The following CLSTN2 variants were observed in gnomAD, a reference collection of about 807,000 sequenced individuals.
CLSTN2 encodes the protein calsyntenin 2.
CLSTN2 carries 48 observed loss-of-function variants against 101.2 expected under a neutral mutation model. The ratio of observed to expected loss-of-function variants is 0.47; its 90% CI spans 0.38 to 0.60. The LOEUF is 0.60. CLSTN2 is among the 20% of genes least tolerant of loss of function. CLSTN2 has a pLI of 0.00. For missense variants in CLSTN2, 1,160 were observed against 1,238.2 expected, an observed-to-expected ratio of 0.94 and a Z score of 0.95; for synonymous variants, 481 against 463.6, an observed-to-expected ratio of 1.04 and a Z score of -0.48.
chr3:140,355,757 G>A (rs1300273455), intron 2 of CLSTN2, among the ~76,000 whole-genome samples: 1 of 152,202 alleles, frequency 6.6e-6, no homozygotes. Context: ...ATCAGTGGCT[G>A]CCTCACAGGA....
intron 6 of CLSTN2, among the ~76,000 whole-genome samples, chr3:140,459,146 A>G (rs1214706829): frequency 6.6e-6 from 1 of 152,214 alleles, no homozygotes; most frequent in Non-Finnish European, 1.5e-5. Context: ...CTGGCAGGTT[A>G]ACAGATGGAT....
chr3:140,304,696 TA>T (rs1394704369), intron 2 of CLSTN2, among the ~76,000 whole-genome samples: 1 of 152,142 alleles, frequency 6.6e-6, no homozygotes, highest in Non-Finnish European at 1.5e-5. Context: ...TCCAGGGCTG[TA>T]GTGGAACAGA....
chr3:139,944,663 T>A (rs905047088), intron 1 of CLSTN2, among the ~76,000 whole-genome samples: 3 of 152,172 alleles, frequency 2.0e-5, no homozygotes, highest in Admixed American at 2.0e-4. Context: ...CCAGAGCAAA[T>A]GCTGAGTGTT....
At chr3:140,459,874 C>A in intron 7 of CLSTN2, 105 bp downstream of exon 7, 1 of 1,344,602 alleles carries the variant, frequency 7.4e-7, no homozygotes, top group Non-Finnish European at 1.0e-6. Context: ...GGAAGAAAAG[C>A]AGGAGCCTGA....
chr3:140,440,358 A>C (rs188291345), intron 5 of CLSTN2, among the ~76,000 whole-genome samples: 283 of 152,370 alleles, frequency 1.9e-3, no homozygotes, highest in Non-Finnish European at 3.4e-3. Context: ...CTCTTGTGAA[A>C]ATAAAATATA....
intron 7 of CLSTN2, among the ~76,000 whole-genome samples, chr3:140,465,831 A>G (rs1933684938): frequency 1.3e-5 from 2 of 152,176 alleles, no homozygotes. Context: ...GCACCTGCTC[A>G]TCCAACCAAC....
chr3:140,102,756 G>T (rs1477779890), intron 1 of CLSTN2, among the ~76,000 whole-genome samples: 2 of 152,192 alleles, frequency 1.3e-5, no homozygotes, highest in African/African-American at 2.4e-5. Flanking sequence ...AGTTGTGGTA[G>T]TCAGAATGAC....
chr3:140,417,847 G>C (rs2088447887), intron 4 of CLSTN2, among the ~76,000 whole-genome samples: 1 of 152,182 alleles, frequency 6.6e-6, no homozygotes, highest in South Asian at 2.1e-4. Context: ...TATACCCTCA[G>C]TTTTTAGCTA....
At chr3:140,447,502 T>A (rs1933112642) in intron 5 of CLSTN2, among the ~76,000 whole-genome samples, 1 of 152,248 alleles carries the variant, frequency 6.6e-6, no homozygotes, top group African/African-American at 2.4e-5. Flanking sequence ...TATGTGTTGA[T>A]TGCTGTGTTC....
chr3:140,234,117 C>T (rs1238949510), intron 2 of CLSTN2, among the ~76,000 whole-genome samples: 1 of 152,190 alleles, frequency 6.6e-6, no homozygotes, highest in Non-Finnish European at 1.5e-5. Context: ...TGCTGAGATT[C>T]AAATATGCAA....
chr3:140,564,448 C>G (rs1381580213), intron 16 of CLSTN2, among the ~76,000 whole-genome samples: 5 of 152,244 alleles, frequency 3.3e-5, no homozygotes, highest in African/African-American at 1.2e-4. Flanking sequence ...CTTGCTTCCC[C>G]CATAGTATTT....
At chr3:140,521,839 T>G (rs960401502) in intron 8 of CLSTN2, among the ~76,000 whole-genome samples, 8 of 152,210 alleles carry the variant, frequency 5.3e-5, no homozygotes, top group Admixed American at 4.6e-4. Flanking sequence ...CCAGTGGGTC[T>G]TAACTTGTAA....
chr3:140,187,455 C>T (rs2010500278), intron 2 of CLSTN2, among the ~76,000 whole-genome samples: 1 of 152,194 alleles, frequency 6.6e-6, no homozygotes, highest in Non-Finnish European at 1.5e-5. Flanking sequence ...TTCTGGCCTA[C>T]TCTTGCTCAG....
chr3:140,084,724 C>A (rs547550188), intron 1 of CLSTN2, among the ~76,000 whole-genome samples: 1 of 145,626 alleles, frequency 6.9e-6, no homozygotes, highest in East Asian at 2.1e-4. Context: ...ATCACAAATT[C>A]TAAGGGATTC....
chr3:139,987,233 C>G (rs1045481564), intron 1 of CLSTN2, among the ~76,000 whole-genome samples: 1 of 152,154 alleles, frequency 6.6e-6, no homozygotes, highest in African/African-American at 2.4e-5. Context: ...CCCTTACAAA[C>G]TTCTGGTTGC....
intron 1 of CLSTN2, among the ~76,000 whole-genome samples, chr3:140,078,603 C>T (rs112340252): frequency 6.6e-6 from 1 of 152,148 alleles, no homozygotes; most frequent in Non-Finnish European, 1.5e-5. Flanking sequence ...CAAAAGAGGG[C>T]GGGAGTGACA....
At chr3:139,968,677 A>T (rs1048833847) in intron 1 of CLSTN2, among the ~76,000 whole-genome samples, 1 of 152,258 alleles carries the variant, frequency 6.6e-6, no homozygotes, top group African/African-American at 2.4e-5. Context: ...ACAGAAGCAC[A>T]AATGCAACGA....
intron 2 of CLSTN2, among the ~76,000 whole-genome samples, chr3:140,222,160 T>C (rs753035134): frequency 7.8e-4 from 118 of 151,744 alleles, no homozygotes; most frequent in Non-Finnish European, 1.2e-3. Flanking sequence ...GATCCTGCCA[T>C]TTGCAATAAC....
At chr3:140,257,649 A>T (rs1219130939) in intron 2 of CLSTN2, among the ~76,000 whole-genome samples, 2 of 151,836 alleles carry the variant, frequency 1.3e-5, no homozygotes, top group African/African-American at 4.8e-5. Context: ...TCCGTATAAT[A>T]TTAAAGAATT....
Sources: gnomAD v4.1 joint callset for allele counts (sites outside exome capture counted in the v4.1 genomes callset) on GRCh38, gnomAD v4.1.1 for gene constraint, MANE v1.5 for transcripts, NCBI Gene and HGNC (gene_info 2026-07-23, HGNC 2026-07-21) for gene names.